The following HS1BP3 variants were observed in gnomAD, a reference collection of about 807,000 sequenced individuals.
The protein encoded by HS1BP3 is HCLS1-binding protein 3.
Under a neutral mutation model 33.5 loss-of-function variants are expected in HS1BP3, and 32 were observed. The observed-to-expected ratio is 0.95, with a 90% CI of 0.72 to 1.28. HS1BP3 has a LOEUF of 1.28. Ranked by LOEUF, HS1BP3 falls within the 50% of genes most tolerant of loss-of-function variation. HS1BP3 has a pLI of 0.00. For synonymous variants in HS1BP3, 187 were observed against 209.2 expected (o/e 0.89, Z 0.92); for missense variants, 486 against 502.3 (o/e 0.97, Z 0.31).
downstream of HS1BP3, among the ~76,000 whole-genome samples, chr2:20,558,393 C>T (rs960349148): frequency 6.6e-6 from 1 of 152,150 alleles, no homozygotes; most frequent in Non-Finnish European, 1.5e-5. Context: ...TTTGTGCCTC[C>T]ATTTCCTCAT....
At chr2:20,642,574 C>A (rs190151652) in intron 2 of HS1BP3, among the ~76,000 whole-genome samples, 2 of 152,354 alleles carry the variant, frequency 1.3e-5, no homozygotes, top group Admixed American at 6.5e-5. Context: ...GCCGGGCGCC[C>A]CCTGCTGGCC....
chr2:20,635,574 G>A (rs879237675), intron 4 of HS1BP3: 1 of 152,168 alleles, frequency 6.6e-6, no homozygotes, highest in East Asian at 1.9e-4. Context: ...TCCAGCATAA[G>A]GCAGAACTAT....
At chr2:20,571,030 G>A (rs774571985) in intron 5 of HS1BP3, among the ~76,000 whole-genome samples, 5 of 152,204 alleles carry the variant, frequency 3.3e-5, no homozygotes, top group Non-Finnish European at 7.3e-5. Context: ...ACCTATGACA[G>A]GGCAGTGAGG....
In HS1BP3 at chr2:20,641,027, A is replaced by G; in HGVS notation, c.352T>C (p.Cys118Arg). The G allele has an allele frequency of 1.2e-6, 2 of 1,614,170 alleles. No individual in the cohort carries two copies. The highest frequency in any genetic ancestry group is 1.7e-6 in the Non-Finnish European group (2 of 1,180,022). The part of the protein sequence containing the change: ...RRAVFNEILR[C>R]VSKDAELAGS... ...GCCAACTCGGCATCCTTGGAGACACAGCGCAGGATCTCATTGAACACGGCT... is the reference window on the plus strand; with the variant it reads ...GCCAACTCGGCATCCTTGGAGACACGGCGCAGGATCTCATTGAACACGGCT... Residue 118 changes from cysteine to arginine, a missense_variant, in exon 3 of 7, where the codon TGT becomes CGT. Transcript: ENST00000304031.
At chr2:20,605,155 CTTA>C (rs929571053) in intron 2 of HS1BP3, among the ~76,000 whole-genome samples, 16 of 152,202 alleles carry the variant, frequency 1.1e-4, no homozygotes, top group Admixed American at 7.2e-4. Flanking sequence ...AGTCCCAGCT[CTTA>C]TTATTCACAG....
At chr2:20,562,999 G>A (rs986529311) in intron 5 of HS1BP3, among the ~76,000 whole-genome samples, 2 of 152,118 alleles carry the variant, frequency 1.3e-5, no homozygotes, top group Admixed American at 1.3e-4. Flanking sequence ...TTCCCACTGC[G>A]ATTTCCAAAG....
downstream of HS1BP3, among the ~76,000 whole-genome samples, chr2:20,615,944 C>G (rs1015369013): frequency 6.6e-6 from 1 of 152,174 alleles, no homozygotes; most frequent in African/African-American, 2.4e-5. Flanking sequence ...TCCAGGGGGG[C>G]CCATGACACA....
chr2:20,647,967 G>A (rs941515457), intron 1 of HS1BP3, among the ~76,000 whole-genome samples: 2 of 152,144 alleles, frequency 1.3e-5, no homozygotes, highest in Admixed American at 6.5e-5. Flanking sequence ...CCTAGGCTTC[G>A]CTGTCACATC....
At position 20,577,424 on chromosome 2, in the gene HS1BP3, G is replaced by T. The variant is rs187403616; in HGVS notation, c.303-16909C>A. 1.2e-4 allele frequency among the ~76,000 whole-genome samples: 19 copies of T among 152,292 alleles called. No homozygotes were observed. The East Asian group carries it at 3.5e-3, about 28-fold the overall frequency. On this transcript the variant is annotated intron_variant, in intron 5 of 5. Coordinates refer to the HS1BP3 transcript ENST00000446825. ...TTCTTGGGGTTGTTTTACCCCAAGG[G>T]CCTTGTCCAGGGCTTCCTTTGAAAC...
chr2:20,578,461 T>A (rs1217210005), intron 5 of HS1BP3, among the ~76,000 whole-genome samples: 1 of 152,208 alleles, frequency 6.6e-6, no homozygotes, highest in Non-Finnish European at 1.5e-5. Context: ...GATGACACCA[T>A]CTTTGGCCCT....
chr2:20,605,099 A>C (rs1436639434), intron 2 of HS1BP3, among the ~76,000 whole-genome samples: 2 of 152,192 alleles, frequency 1.3e-5, no homozygotes, highest in African/African-American at 2.4e-5. Flanking sequence ...TTCCTGCCAA[A>C]CCAGGGGAGA....
intron 5 of HS1BP3, among the ~76,000 whole-genome samples, chr2:20,570,944 A>AT (rs1693251790): frequency 6.6e-6 from 1 of 152,044 alleles, no homozygotes; most frequent in East Asian, 1.9e-4. Context: ...GGGAGCTTGG[A>AT]TTTTATCCTA....
At chr2:20,615,681 G>C (rs1421051927), downstream of HS1BP3, among the ~76,000 whole-genome samples, 4 of 152,318 alleles carry the variant, frequency 2.6e-5, no homozygotes, top group East Asian at 7.7e-4. Context: ...AGAGAAATGG[G>C]AATGACCCTC....
chr2:20,601,770 C>CTT (rs35644786), intron 2 of HS1BP3, among the ~76,000 whole-genome samples: 38,883 of 69,028 alleles, frequency 0.56, 16,789 homozygotes, highest in Non-Finnish European at 0.72. Flanking sequence ...AGTGTGTCTT[C>CTT]TTTTTTTTTT....
intron 4 of HS1BP3, 111 bp downstream of exon 4, chr2:20,638,325 G>C (rs1452758310): frequency 9.3e-7 from 1 of 1,076,280 alleles, no homozygotes; most frequent in Non-Finnish European, 1.3e-6. Flanking sequence ...ATCCCTGCGA[G>C]GGGGCGACCT....
intron 4 of HS1BP3, among the ~76,000 whole-genome samples, chr2:20,627,438 G>A (rs6531249): frequency 0.31 from 47,233 of 152,174 alleles, 7,657 homozygotes; most frequent in African/African-American, 0.36. Context: ...TGAGGAACAA[G>A]GGAAGCGAGA....
chr2:20,649,086 C>T (rs1044845086), intron 1 of HS1BP3, among the ~76,000 whole-genome samples: 1 of 152,242 alleles, frequency 6.6e-6, no homozygotes, highest in Non-Finnish European at 1.5e-5. Context: ...CGGCCACTGC[C>T]CATGCTCAGC....
At chr2:20,577,656 G>A (rs1214436447) in intron 5 of HS1BP3, among the ~76,000 whole-genome samples, 2 of 152,192 alleles carry the variant, frequency 1.3e-5, no homozygotes, top group African/African-American at 2.4e-5. Context: ...TGCAGCCTGG[G>A]AGGGAGAGAG....
intron 1 of HS1BP3, among the ~76,000 whole-genome samples, chr2:20,647,270 T>A (rs1695547962): frequency 6.6e-6 from 1 of 152,132 alleles, no homozygotes; most frequent in South Asian, 2.1e-4. Context: ...ATTGCTGGAA[T>A]CCCTCTGCCT....
Sources: allele counts gnomAD v4.1 joint callset (sites outside exome capture counted in the v4.1 genomes callset), GRCh38; gene constraint gnomAD v4.1.1; transcripts MANE v1.5; gene names NCBI Gene and HGNC (gene_info 2026-07-23, HGNC 2026-07-21).